The following QTMAN variants were observed in gnomAD, a reference collection of about 807,000 sequenced individuals.
The protein encoded by QTMAN is queuosine-tRNA mannosyltransferase, also known as tRNA-queuosine alpha-mannosyltransferase.
the QTMAN span, among the ~76,000 whole-genome samples, chr2:144,146,153 A>C: frequency 6.7e-6 from 1 of 150,066 alleles, no homozygotes; most frequent in Non-Finnish European, 1.5e-5. Flanking sequence ...CAACTACTGA[A>C]ATTCAATGTA....
the QTMAN span, among the ~76,000 whole-genome samples, chr2:144,242,316 A>C: frequency 1.3e-5 from 2 of 152,156 alleles, no homozygotes; most frequent in Non-Finnish European, 2.9e-5. Context: ...CTGAAAAAAA[A>C]ACAAGCAGGA....
chr2:144,046,862 G>A, the QTMAN span, among the ~76,000 whole-genome samples: 1 of 152,138 alleles, frequency 6.6e-6, no homozygotes, highest in East Asian at 1.9e-4. Context: ...TATGAAGAAA[G>A]GATAATTTGT....
chr2:144,151,179 G>C, the QTMAN span, among the ~76,000 whole-genome samples: 1 of 152,118 alleles, frequency 6.6e-6, no homozygotes, highest in Non-Finnish European at 1.5e-5. Flanking sequence ...CTTTGTAACA[G>C]AAATACATTA....
At chr2:144,105,294 AT>A in the QTMAN span, among the ~76,000 whole-genome samples, 1 of 152,344 alleles carries the variant, frequency 6.6e-6, no homozygotes, top group East Asian at 1.9e-4. Context: ...GCTTCAGATG[AT>A]CAAACTTCTC....
the QTMAN span, among the ~76,000 whole-genome samples, chr2:144,309,578 C>T: frequency 3.3e-5 from 5 of 152,226 alleles, no homozygotes; most frequent in East Asian, 9.6e-4. Flanking sequence ...AAAATCAGAT[C>T]ATTAGTTGCC....
the QTMAN span, among the ~76,000 whole-genome samples, chr2:144,095,411 C>CT: frequency 6.6e-5 from 10 of 152,280 alleles, no homozygotes; most frequent in African/African-American, 2.2e-4. Flanking sequence ...ACAGCACACT[C>CT]TAAGTCATTC....
the QTMAN span, chr2:144,211,507 C>A: frequency 2.6e-5 from 4 of 152,690 alleles, no homozygotes; most frequent in South Asian, 8.3e-4. Flanking sequence ...GGCAGTTCCC[C>A]CACTTACTTC....
the QTMAN span, among the ~76,000 whole-genome samples, chr2:144,175,002 A>G: frequency 6.6e-6 from 1 of 152,178 alleles, no homozygotes; most frequent in African/African-American, 2.4e-5. Flanking sequence ...ATATAATCCA[A>G]CTGGGTAGGG....
chr2:143,952,006 A>G, the QTMAN span: 1 of 1,583,794 alleles, frequency 6.3e-7, no homozygotes, highest in South Asian at 1.1e-5. Context: ...TTCTTATAAT[A>G]TCTGGTCTCT....
the QTMAN span, among the ~76,000 whole-genome samples, chr2:144,233,924 A>C: frequency 1.3e-5 from 2 of 152,126 alleles, no homozygotes; most frequent in East Asian, 3.8e-4. Context: ...TTAAGAGGCC[A>C]GAGACCAAGA....
the QTMAN span, among the ~76,000 whole-genome samples, chr2:144,106,618 G>T: frequency 6.6e-6 from 1 of 152,120 alleles, no homozygotes; most frequent in Non-Finnish European, 1.5e-5. Flanking sequence ...AATCCTTACA[G>T]ACCTACAAAG....
chr2:144,128,496 A>G, the QTMAN span, among the ~76,000 whole-genome samples: 1 of 152,068 alleles, frequency 6.6e-6, no homozygotes, highest in African/African-American at 2.4e-5. Context: ...AATACCATCT[A>G]TTCCTGAAGA....
the QTMAN span, among the ~76,000 whole-genome samples, chr2:144,168,700 ATTATT>A: frequency 2.6e-5 from 4 of 152,128 alleles, no homozygotes; most frequent in African/African-American, 9.7e-5. Context: ...CCCTTGGCTG[ATTATT>A]TTCTTTTTTC....
the QTMAN span, among the ~76,000 whole-genome samples, chr2:144,273,208 TAAAAAA>T: frequency 7.0e-6 from 1 of 143,570 alleles, no homozygotes; most frequent in African/African-American, 2.6e-5. Flanking sequence ...AACAAAAAGC[TAAAAAA>T]AAAAAGTCTG....
chr2:144,156,765 T>C, the QTMAN span, among the ~76,000 whole-genome samples: 1 of 152,132 alleles, frequency 6.6e-6, no homozygotes, highest in Non-Finnish European at 1.5e-5. Context: ...TTATCTAAAA[T>C]GAAGTACTGG....
At chr2:143,942,223 T>A in the QTMAN span, 3 of 167,108 alleles carry the variant, frequency 1.8e-5, no homozygotes, top group African/African-American at 7.2e-5. Context: ...TGGGAGAGGA[T>A]AAGGAATAAC....
the QTMAN span, among the ~76,000 whole-genome samples, chr2:144,296,288 A>G: frequency 2.6e-5 from 4 of 152,258 alleles, no homozygotes; most frequent in African/African-American, 9.6e-5. Context: ...CATGTCATTT[A>G]TCAGTGCAAT....
At chr2:144,052,661 A>AT in the QTMAN span, among the ~76,000 whole-genome samples, 267 of 151,818 alleles carry the variant, frequency 1.8e-3, no homozygotes, top group African/African-American at 6.2e-3. Flanking sequence ...TTTATTTTTT[A>AT]TTTTTTTGAG....
the QTMAN span, among the ~76,000 whole-genome samples, chr2:144,258,140 T>C: frequency 6.9e-6 from 1 of 145,512 alleles, no homozygotes; most frequent in Non-Finnish European, 1.5e-5. Context: ...AAAAAAATGA[T>C]GAAATGGAAA....
Sources: allele counts gnomAD v4.1 joint callset (sites outside exome capture counted in the v4.1 genomes callset), GRCh38; gene constraint gnomAD v4.1.1; transcripts MANE v1.5; gene names NCBI Gene and HGNC (gene_info 2026-07-23, HGNC 2026-07-21).